CAMK1D: variants seen among roughly 807,000 people sequenced by gnomAD.
The protein encoded by CAMK1D is calcium/calmodulin dependent protein kinase ID.
A neutral mutation model predicts 47.7 loss-of-function variants in CAMK1D; 9 were observed. The ratio of observed to expected loss-of-function variants is 0.19; its 90% CI spans 0.11 to 0.33. CAMK1D has a LOEUF of 0.33. Among genes scored for constraint, CAMK1D ranks in the 10% least tolerant of loss-of-function variants. The pLI is 1.00. For synonymous variants in CAMK1D, 184 were observed against 184.9 expected, an observed-to-expected ratio of 0.99 and a Z score of 0.04; for missense variants, 291 against 488.7, an observed-to-expected ratio of 0.60 and a Z score of 3.81.
At chr10:12,682,752 G>A (rs1294680181) in intron 3 of CAMK1D, among the ~76,000 whole-genome samples, 6 of 151,914 alleles carry the variant, frequency 3.9e-5, no homozygotes, top group African/African-American at 1.2e-4. Context: ...TCCCAGATAC[G>A]GGTTTAGAAA....
intron 2 of CAMK1D, among the ~76,000 whole-genome samples, chr10:12,583,711 C>T (rs1351843630): frequency 6.6e-6 from 1 of 151,686 alleles, no homozygotes; most frequent in Non-Finnish European, 1.5e-5. Flanking sequence ...AAGTGATTCT[C>T]CTGCCTCAGC....
intron 1 of CAMK1D, among the ~76,000 whole-genome samples, chr10:12,551,721 G>T (rs1301210370): frequency 6.6e-6 from 1 of 152,192 alleles, no homozygotes; most frequent in Non-Finnish European, 1.5e-5. Flanking sequence ...CTGGGCAACA[G>T]AGCCAGACTC....
At chr10:12,682,147 G>A (rs1251066502) in intron 3 of CAMK1D, among the ~76,000 whole-genome samples, 11 of 152,332 alleles carry the variant, frequency 7.2e-5, no homozygotes, top group African/African-American at 2.6e-4. Flanking sequence ...GTGAACCCGG[G>A]AGGCGGAGCT....
At chr10:12,695,700 T>C (rs1833264082) in intron 3 of CAMK1D, among the ~76,000 whole-genome samples, 1 of 152,168 alleles carries the variant, frequency 6.6e-6, no homozygotes, top group Non-Finnish European at 1.5e-5. Context: ...TTGGTTACCC[T>C]GGATAGAGGT....
chr10:12,547,371 T>C (rs1836414855), intron 1 of CAMK1D, among the ~76,000 whole-genome samples: 1 of 152,142 alleles, frequency 6.6e-6, no homozygotes, highest in Non-Finnish European at 1.5e-5. Context: ...TCCAGGCCAG[T>C]GCAAGCTGTG....
At chr10:12,751,646 A>G (rs1835991316) in intron 3 of CAMK1D, among the ~76,000 whole-genome samples, 1 of 152,196 alleles carries the variant, frequency 6.6e-6, no homozygotes, top group Admixed American at 6.5e-5. Context: ...GAGCGAATGT[A>G]TTGAGGGGTC....
chr10:12,434,440 A>G (rs1201258960), intron 1 of CAMK1D, among the ~76,000 whole-genome samples: 1 of 151,972 alleles, frequency 6.6e-6, no homozygotes, highest in African/African-American at 2.4e-5. Context: ...GATGCCCACT[A>G]CCCTAGTGAC....
At chr10:12,437,866 C>T (rs1452625705) in intron 1 of CAMK1D, among the ~76,000 whole-genome samples, 1 of 152,156 alleles carries the variant, frequency 6.6e-6, no homozygotes, top group Non-Finnish European at 1.5e-5. Flanking sequence ...ATTTTCCTGC[C>T]TCTGTATTTT....
intron 2 of CAMK1D, among the ~76,000 whole-genome samples, chr10:12,628,728 A>C (rs916347614): frequency 3.3e-5 from 5 of 152,156 alleles, no homozygotes; most frequent in Non-Finnish European, 7.3e-5. Context: ...ACCATCATAG[A>C]GGCCTGCAGA....
chr10:12,539,704 TGAGAA>T (rs1836102282), intron 1 of CAMK1D, among the ~76,000 whole-genome samples: 1 of 152,086 alleles, frequency 6.6e-6, no homozygotes, highest in South Asian at 2.1e-4. Flanking sequence ...AAGACCATAG[TGAGAA>T]GTGCTGTCGA....
At chr10:12,364,236 T>C (rs1211569573) in intron 1 of CAMK1D, among the ~76,000 whole-genome samples, 1 of 113,576 alleles carries the variant, frequency 8.8e-6, no homozygotes, top group African/African-American at 3.2e-5. Flanking sequence ...ATGCGCATTC[T>C]CTTTTTTTTT....
At chr10:12,599,333 G>A (rs1388968565) in intron 2 of CAMK1D, among the ~76,000 whole-genome samples, 3 of 152,160 alleles carry the variant, frequency 2.0e-5, no homozygotes, top group Admixed American at 6.5e-5. Flanking sequence ...ATGCAGCTGC[G>A]TTGTAGGTTC....
intron 6 of CAMK1D, among the ~76,000 whole-genome samples, chr10:12,801,311 A>G (rs532168705): frequency 5.7e-5 from 6 of 105,676 alleles, no homozygotes; most frequent in Admixed American, 9.5e-5. Flanking sequence ...CTATCTATCT[A>G]TCTATCTATC....
intron 1 of CAMK1D, among the ~76,000 whole-genome samples, chr10:12,467,909 G>A (rs1410375609): frequency 6.6e-6 from 1 of 152,160 alleles, no homozygotes; most frequent in Non-Finnish European, 1.5e-5. Flanking sequence ...AAGTTGTCAG[G>A]AGTAATAGAG....
chr10:12,578,563 T>TC, intron 2 of CAMK1D, among the ~76,000 whole-genome samples: 1 of 37,514 alleles, frequency 2.7e-5, no homozygotes, highest in Non-Finnish European at 4.5e-5. Context: ...AGAGCTAAAC[T>TC]CCATCTCAAA....
intron 3 of CAMK1D, among the ~76,000 whole-genome samples, chr10:12,704,145 T>A (rs1317084404): frequency 2.0e-5 from 3 of 152,202 alleles, no homozygotes; most frequent in Non-Finnish European, 4.4e-5. Context: ...TGCAGGTGTG[T>A]CCATAGCTGT....
chr10:12,352,437 TGTTG>T (rs1837380475), intron 1 of CAMK1D, among the ~76,000 whole-genome samples: 2 of 151,932 alleles, frequency 1.3e-5, no homozygotes, highest in Non-Finnish European at 2.9e-5. Flanking sequence ...GGTGAAACCC[TGTTG>T]CTACTAACAA....
chr10:12,779,120 A>G (rs1837385464), intron 5 of CAMK1D, among the ~76,000 whole-genome samples: 1 of 152,068 alleles, frequency 6.6e-6, no homozygotes, highest in Admixed American at 6.5e-5. Context: ...CATTTAGGAG[A>G]AACGATGGGC....
At chr10:12,668,305 A>G (rs1327538411) in intron 3 of CAMK1D, among the ~76,000 whole-genome samples, 2 of 152,252 alleles carry the variant, frequency 1.3e-5, no homozygotes, top group African/African-American at 4.8e-5. Context: ...ATGCCCCGCA[A>G]AATGTTAGCT....
Sources: allele counts gnomAD v4.1 joint callset (sites outside exome capture counted in the v4.1 genomes callset), GRCh38; gene constraint gnomAD v4.1.1; transcripts MANE v1.5; gene names NCBI Gene and HGNC (gene_info 2026-07-23, HGNC 2026-07-21).